NRG1: variants seen among roughly 807,000 people sequenced by gnomAD.
NRG1 encodes neuregulin 1.
Under a neutral mutation model 63.8 loss-of-function variants are expected in NRG1, and 18 were observed. That is an observed-to-expected ratio of 0.28 (90% confidence interval 0.19 to 0.42). NRG1 has a LOEUF of 0.42. Ranked by LOEUF, NRG1 falls within the 10% of genes least tolerant of loss-of-function variation. The pLI, the probability that NRG1 is intolerant of heterozygous loss-of-function variation, is 1.00. For missense variants in NRG1, 762 were observed against 814.7 expected (o/e 0.94, Z 0.79); for synonymous variants, 302 against 301.3 (o/e 1.00, Z -0.02).
chr8:32,100,511 A>G (rs1000917059), intron 1 of NRG1, among the ~76,000 whole-genome samples: 5 of 151,934 alleles, frequency 3.3e-5, no homozygotes, highest in Non-Finnish European at 7.4e-5. Context: ...CTGGTTCCAA[A>G]TTCCATGCTC....
At chr8:32,208,016 A>G (rs2132353320) in intron 1 of NRG1, among the ~76,000 whole-genome samples, 1 of 152,342 alleles carries the variant, frequency 6.6e-6, no homozygotes, top group African/African-American at 2.4e-5. Context: ...TGGTTTAGGA[A>G]ATGAGACATG....
chr8:32,045,014 A>G (rs1434390265), intron 1 of NRG1, among the ~76,000 whole-genome samples: 3 of 151,620 alleles, frequency 2.0e-5, no homozygotes, highest in African/African-American at 7.2e-5. Flanking sequence ...AGTAGAACAA[A>G]TTAATGAAAC....
chr8:32,603,449 G>A (rs1844711056), intron 2 of NRG1, among the ~76,000 whole-genome samples: 1 of 151,984 alleles, frequency 6.6e-6, no homozygotes, highest in Non-Finnish European at 1.5e-5. Context: ...TTTACCTGTT[G>A]ACATCGAGTC....
intron 1 of NRG1, among the ~76,000 whole-genome samples, chr8:32,279,205 G>C (rs1435292229): frequency 1.3e-5 from 2 of 152,244 alleles, no homozygotes; most frequent in East Asian, 3.9e-4. Context: ...AGGAGATCCT[G>C]GCATTTTCCT....
At chr8:32,592,946 A>T (rs1469231188) in intron 1 of NRG1, among the ~76,000 whole-genome samples, 1 of 152,192 alleles carries the variant, frequency 6.6e-6, no homozygotes, top group African/African-American at 2.4e-5. Context: ...ATTAATAAAT[A>T]TTTTTAACTT....
chr8:32,248,823 T>TA (rs1313557521), intron 1 of NRG1, among the ~76,000 whole-genome samples: 1 of 152,100 alleles, frequency 6.6e-6, no homozygotes, highest in East Asian at 1.9e-4. Context: ...TATTTAACAC[T>TA]AAAAACTCAG....
intron 1 of NRG1, among the ~76,000 whole-genome samples, chr8:32,299,399 T>C (rs1855329160): frequency 6.6e-6 from 1 of 152,214 alleles, no homozygotes; most frequent in Non-Finnish European, 1.5e-5. Flanking sequence ...TCTGTTTGCA[T>C]GTTAACAAAA....
intron 1 of NRG1, among the ~76,000 whole-genome samples, chr8:32,556,865 T>C (rs1426363037): frequency 6.6e-6 from 1 of 152,234 alleles, no homozygotes; most frequent in Admixed American, 6.5e-5. Context: ...ACAGGGAATC[T>C]AAAACCAGCC....
intron 1 of NRG1, among the ~76,000 whole-genome samples, chr8:32,290,659 A>T (rs1854086248): frequency 6.6e-6 from 1 of 152,196 alleles, no homozygotes; most frequent in Non-Finnish European, 1.5e-5. Context: ...TATCGAAGCT[A>T]CACATTACTA....
chr8:32,669,540 A>C (rs1805085960), intron 5 of NRG1, among the ~76,000 whole-genome samples: 2 of 152,196 alleles, frequency 1.3e-5, no homozygotes, highest in Admixed American at 1.3e-4. Flanking sequence ...GTCTAGAAAG[A>C]AGGAGATAAG....
chr8:31,872,400 A>G (rs1214627060), intron 1 of NRG1, among the ~76,000 whole-genome samples: 1 of 152,200 alleles, frequency 6.6e-6, no homozygotes, highest in Non-Finnish European at 1.5e-5. Flanking sequence ...AGCCTATGAA[A>G]GTCTGACAAT....
chr8:32,195,281 T>A (rs1211726873), intron 1 of NRG1, among the ~76,000 whole-genome samples: 1 of 151,854 alleles, frequency 6.6e-6, no homozygotes, highest in East Asian at 1.9e-4. Flanking sequence ...AAAAACTATA[T>A]TAAAAAAATT....
At chr8:31,788,926 A>C (rs191596039) in intron 1 of NRG1, among the ~76,000 whole-genome samples, 1 of 152,284 alleles carries the variant, frequency 6.6e-6, no homozygotes, top group Non-Finnish European at 1.5e-5. Context: ...AGATTTCTAA[A>C]ATTTCCAGTG....
At chr8:32,743,573 C>CATATACATATATAT (rs1826839184) in intron 7 of NRG1, among the ~76,000 whole-genome samples, 1 of 113,714 alleles carries the variant, frequency 8.8e-6, no homozygotes, top group African/African-American at 3.4e-5. Context: ...TAAGGCAAAA[C>CATATACATATATAT]ATATATATAT....
chr8:32,472,389 C>T (rs751047543), intron 1 of NRG1, among the ~76,000 whole-genome samples: 12 of 152,120 alleles, frequency 7.9e-5, no homozygotes, highest in Non-Finnish European at 1.5e-4. Context: ...AGGCTGGTCT[C>T]GAACTCCTGA....
At chr8:32,284,607 A>G (rs1853306146) in intron 1 of NRG1, among the ~76,000 whole-genome samples, 1 of 151,714 alleles carries the variant, frequency 6.6e-6, no homozygotes, top group Non-Finnish European at 1.5e-5. Context: ...CAAGGCTCAC[A>G]GCAGCCTCGG....
chr8:31,698,713 C>G (rs1014853641), intron 1 of NRG1, among the ~76,000 whole-genome samples: 3 of 152,118 alleles, frequency 2.0e-5, no homozygotes, highest in Admixed American at 6.5e-5. Context: ...ATACATTTTC[C>G]TCCAAAAATT....
chr8:32,289,385 G>A (rs1853926252), intron 1 of NRG1, among the ~76,000 whole-genome samples: 1 of 151,764 alleles, frequency 6.6e-6, no homozygotes, highest in African/African-American at 2.4e-5. Flanking sequence ...CTCTAAAATA[G>A]GAGCTCACAA....
chr8:32,507,697 C>T (rs1033015111), intron 1 of NRG1, among the ~76,000 whole-genome samples: 4 of 152,126 alleles, frequency 2.6e-5, no homozygotes, highest in Non-Finnish European at 5.9e-5. Flanking sequence ...TAATCCTTTG[C>T]AAATCTTTGC....
Sources: allele counts gnomAD v4.1 joint callset (sites outside exome capture counted in the v4.1 genomes callset), GRCh38; gene constraint gnomAD v4.1.1; transcripts MANE v1.5; gene names NCBI Gene and HGNC (gene_info 2026-07-23, HGNC 2026-07-21).